Variants in VWA3B observed in about 807,000 individuals in gnomAD.
VWA3B encodes von Willebrand factor A domain-containing protein 3B.
Under a neutral mutation model 158.3 loss-of-function variants are expected in VWA3B, and 138 were observed. The observed-to-expected ratio is 0.87, with a 90% CI of 0.76 to 1.00. VWA3B has a LOEUF of 1.00. Among genes scored for constraint, VWA3B ranks in the 50% least tolerant of loss-of-function variants. VWA3B has a pLI of 0.00. For missense variants in VWA3B, 1,555 were observed against 1,565.1 expected, an observed-to-expected ratio of 0.99 and a Z score of 0.11; for synonymous variants, 596 against 587.3, an observed-to-expected ratio of 1.01 and a Z score of -0.21.
intron 8 of VWA3B, among the ~76,000 whole-genome samples, chr2:98,167,033 G>T (rs944096761): frequency 3.3e-5 from 5 of 152,096 alleles, no homozygotes; most frequent in Non-Finnish European, 2.9e-5. Flanking sequence ...GCAAAGGCTG[G>T]GTCAGTTCAA....
At chr2:98,215,557 G>C (rs1255457634) in intron 13 of VWA3B, among the ~76,000 whole-genome samples, 15 of 150,858 alleles carry the variant, frequency 9.9e-5, no homozygotes, top group Admixed American at 9.9e-4. Context: ...TGGCTCTGTC[G>C]CCCAGGCTAG....
chr2:98,224,584 T>C (rs565947815), intron 14 of VWA3B, among the ~76,000 whole-genome samples: 1 of 150,850 alleles, frequency 6.6e-6, no homozygotes, highest in East Asian at 1.9e-4. Context: ...AAAATAGAAT[T>C]GTAAGAAAAA....
chr2:98,322,121 T>G, the VWA3B span, among the ~76,000 whole-genome samples: 1 of 152,230 alleles, frequency 6.6e-6, no homozygotes. Context: ...TGTGGAACTG[T>G]GAGTCCATTA....
intron 8 of VWA3B, among the ~76,000 whole-genome samples, chr2:98,170,153 A>C (rs1679460642): frequency 6.6e-6 from 1 of 152,138 alleles, no homozygotes; most frequent in Non-Finnish European, 1.5e-5. Context: ...TGAATGAATC[A>C]ATCAATCAAT....
At chr2:98,330,576 A>G in the VWA3B span, among the ~76,000 whole-genome samples, 5 of 152,160 alleles carry the variant, frequency 3.3e-5, no homozygotes, top group East Asian at 9.7e-4. Flanking sequence ...AGTTGTCTGT[A>G]TTCATATTTG....
intron 13 of VWA3B, 69 bp downstream of exon 13, chr2:98,212,097 TG>T (rs1683578126): frequency 7.0e-7 from 1 of 1,429,296 alleles, no homozygotes; most frequent in Non-Finnish European, 9.8e-7. Flanking sequence ...GAAATGGGTC[TG>T]GGGGACCTTT....
Position 98,234,708 on chromosome 2 carries a change from G to C in VWA3B, c.2369G>C (p.Ser790Thr). ...QMSSLRSSAC[S>T]ERKDGLSNAS... ...TCCTCCCTCAGGAGCTCAGCTTGCA[G>C]TGAAAGGAAGGATGGCCTCTCCAAT... is the stretch of plus-strand genomic sequence containing the variant. The change falls in exon 17 of 28, where the codon AGT becomes ACT. Residue 790 changes from serine to threonine, a missense_variant. Physicochemically the swap from Ser to Thr is moderately conservative, Grantham distance 58. Transcript: ENST00000477737. 6.2e-7 allele frequency: 1 copy of C among 1,614,198 alleles called. No homozygotes were observed. Among genetic ancestry groups the C allele is most frequent in the Non-Finnish European group, 8.5e-7 (1 of 1,180,022 alleles).
chr2:98,330,130 A>G, the VWA3B span, among the ~76,000 whole-genome samples: 7 of 152,188 alleles, frequency 4.6e-5, no homozygotes, highest in Non-Finnish European at 1.0e-4. Flanking sequence ...CCATCTTCCA[A>G]GGGAGGGACT....
At chr2:98,209,179 A>G (rs994425291) in intron 12 of VWA3B, among the ~76,000 whole-genome samples, 4 of 152,062 alleles carry the variant, frequency 2.6e-5, no homozygotes, top group Middle Eastern at 3.2e-3. Context: ...TTTAAATACA[A>G]TGTGTCTTGG....
At chr2:98,316,161 CATT>C (rs1691080904), downstream of VWA3B, among the ~76,000 whole-genome samples, 1 of 152,140 alleles carries the variant, frequency 6.6e-6, no homozygotes, top group Non-Finnish European at 1.5e-5. Flanking sequence ...ATTGCTGACT[CATT>C]AACATACTCA....
chr2:98,284,591 A>G (rs986602543), intron 22 of VWA3B, among the ~76,000 whole-genome samples: 2 of 152,226 alleles, frequency 1.3e-5, no homozygotes, highest in Non-Finnish European at 2.9e-5. Context: ...TTATGATATA[A>G]CTATAGCATG....
intron 9 of VWA3B, among the ~76,000 whole-genome samples, chr2:98,186,285 G>A (rs1175913066): frequency 6.6e-6 from 1 of 151,488 alleles, no homozygotes; most frequent in African/African-American, 2.4e-5. Context: ...GCACCTCGAG[G>A]TGCAGTGCTC....
chr2:98,191,194 A>G (rs1404550623), intron 10 of VWA3B, among the ~76,000 whole-genome samples: 2 of 152,134 alleles, frequency 1.3e-5, no homozygotes, highest in Non-Finnish European at 2.9e-5. Flanking sequence ...ATTTGGGTCT[A>G]TTTAAATATC....
intron 6 of VWA3B, 79 bp from the exon 7 acceptor site, chr2:98,133,745 G>T (rs1032487627): frequency 6.4e-6 from 8 of 1,248,770 alleles, no homozygotes; most frequent in Non-Finnish European, 9.3e-6. Context: ...CGAAGAGCAC[G>T]TTCAGTCCCA....
intron 25 of VWA3B, among the ~76,000 whole-genome samples, chr2:98,302,455 A>G (rs766542740): frequency 5.2e-4 from 79 of 152,218 alleles, no homozygotes; most frequent in Non-Finnish European, 3.7e-4. Context: ...GGAAAATGAC[A>G]TTGTTTTGAT....
chr2:98,237,984 T>G (rs971914384), intron 19 of VWA3B, among the ~76,000 whole-genome samples: 1 of 152,188 alleles, frequency 6.6e-6, no homozygotes, highest in African/African-American at 2.4e-5. Context: ...TGCTTTTTTG[T>G]GTATTTGAAA....
chr2:98,120,363 G>A (rs1276556781), intron 4 of VWA3B, among the ~76,000 whole-genome samples: 2 of 152,214 alleles, frequency 1.3e-5, no homozygotes, highest in Admixed American at 6.5e-5. Context: ...GTTGGGGAAG[G>A]ATCTACCTCA....
chr2:98,234,571 G>A (rs954268371), intron 16 of VWA3B, 77 bp from the exon 17 acceptor site: 2 of 1,590,638 alleles, frequency 1.3e-6, no homozygotes, highest in African/African-American at 2.7e-5. Context: ...TTAAGGAGCT[G>A]ATAAAATAGT....
intron 21 of VWA3B, among the ~76,000 whole-genome samples, chr2:98,270,371 GAA>G (rs908842110): frequency 6.6e-6 from 1 of 151,044 alleles, no homozygotes; most frequent in Non-Finnish European, 1.5e-5. Context: ...CAAATACGGA[GAA>G]AAAAAAATGC....
Sources: gnomAD v4.1 joint callset for allele counts (sites outside exome capture counted in the v4.1 genomes callset) on GRCh38, gnomAD v4.1.1 for gene constraint, MANE v1.5 for transcripts, NCBI Gene and HGNC (gene_info 2026-07-23, HGNC 2026-07-21) for gene names.